PGGT1B: variants seen among roughly 807,000 people sequenced by gnomAD.
PGGT1B encodes the protein geranylgeranyl transferase type-1 subunit beta.
Under a neutral mutation model 46.1 loss-of-function variants are expected in PGGT1B, and 30 were observed. The observed-to-expected ratio is 0.65, with a 90% CI of 0.49 to 0.88. The LOEUF is 0.88. Among genes scored for constraint, PGGT1B ranks in the 40% least tolerant of loss-of-function variants. The probability of loss-of-function intolerance (pLI) is 0.00; values close to 1 mark genes in which losing one functional copy is unlikely to be tolerated. For synonymous variants in PGGT1B, 170 were observed against 160.0 expected (o/e 1.06, Z -0.47); for missense variants, 376 against 455.9 (o/e 0.82, Z 1.60).
Position 115,236,380 on chromosome 5 carries a change from C to T in PGGT1B, c.612+10G>A, listed in dbSNP as rs2127010308. 6.3e-7 allele frequency: 1 copy of T among 1,588,016 alleles called. No homozygotes were observed. Among genetic ancestry groups the T allele is most frequent in the Non-Finnish European group, 8.5e-7 (1 of 1,170,012 alleles). On this transcript the variant is annotated intron_variant, in intron 5 of 8. Coordinates refer to ENST00000419445, the MANE Select transcript of PGGT1B (RefSeq NM_005023.4). ...CAACCTAAATAGTCAATTTTATCAACAGAACTCACCATACTCCTTCTAATA... is the reference window on the plus strand; with the variant it reads ...CAACCTAAATAGTCAATTTTATCAATAGAACTCACCATACTCCTTCTAATA...
At position 115,254,796 on chromosome 5, in the gene PGGT1B, T is replaced by C. The variant is rs1391693686; in HGVS notation, c.141-1541A>G. Reference sequence around the variant, plus strand: ...TGGGAAACATCCTATTGAGAGACTATTACCATGTATTAGACACTGAGCTGG... The same window carrying C: ...TGGGAAACATCCTATTGAGAGACTACTACCATGTATTAGACACTGAGCTGG... On this transcript the variant is annotated intron_variant, in intron 1 of 8. Transcript: ENST00000419445. 2.0e-5 allele frequency among the ~76,000 whole-genome samples: 3 copies of C among 152,110 alleles called. No homozygotes were observed. In the East Asian group the frequency reaches 5.8e-4, roughly 29 times the overall value.
intron 5 of PGGT1B, among the ~76,000 whole-genome samples, chr5:115,232,158 A>T (rs1757008675): frequency 6.6e-6 from 1 of 152,104 alleles, no homozygotes; most frequent in Non-Finnish European, 1.5e-5. Flanking sequence ...TGAACTTAAA[A>T]TTAGAGTTAT....
intron 2 of PGGT1B, among the ~76,000 whole-genome samples, chr5:115,248,083 AT>A (rs973712040): frequency 1.3e-5 from 2 of 152,240 alleles, no homozygotes; most frequent in Non-Finnish European, 1.5e-5. Flanking sequence ...CACTAAAAAA[AT>A]GAAAGCATTA....
chr5:115,238,304 T>TTTC (rs1242998248), intron 3 of PGGT1B, among the ~76,000 whole-genome samples: 1 of 129,178 alleles, frequency 7.7e-6, no homozygotes, highest in East Asian at 2.2e-4. Context: ...TTTTTTTTTT[T>TTTC]TTTTTTTTTT....
chr5:115,236,360 T>C, intron 5 of PGGT1B, 30 bp downstream of exon 5: 1 of 1,568,976 alleles, frequency 6.4e-7, no homozygotes, highest in Non-Finnish European at 8.6e-7. Context: ...AAAAACAACC[T>C]AAATAGTCAA....
chr5:115,212,420 A>C lies in PGGT1B; in HGVS notation c.1116T>G (p.Asn372Lys). 1 of 1,598,194 alleles carries C rather than the reference A, an allele frequency of 6.3e-7. No individual in the cohort carries two copies. Among genetic ancestry groups the C allele is most frequent in the Non-Finnish European group, 8.5e-7 (1 of 1,170,194 alleles). ...KTKDSKQCSE[N>K]VHIST ...AAATCAGTCATGTGGAGATATGTAC[A>C]TTCTCTGAGCATTGTTTAGAGTCCT... The change falls in exon 9 of 9, where the codon AAT becomes AAG. Residue 372 changes from asparagine (N) to lysine (K), a missense_variant. Physicochemically the swap from Asn to Lys is moderately conservative, Grantham distance 94. Coordinates refer to ENST00000419445, the MANE Select transcript of PGGT1B (RefSeq NM_005023.4).
At chr5:115,228,573 T>C (rs1013457216) in intron 6 of PGGT1B, among the ~76,000 whole-genome samples, 15 of 151,896 alleles carry the variant, frequency 9.9e-5, no homozygotes, top group Non-Finnish European at 2.1e-4. Context: ...CTGAAGGATG[T>C]GAAAGAAAAC....
intron 8 of PGGT1B, among the ~76,000 whole-genome samples, chr5:115,215,170 G>A (rs1407421741): frequency 6.6e-6 from 1 of 151,836 alleles, no homozygotes; most frequent in Non-Finnish European, 1.5e-5. Flanking sequence ...GGCTATTTTT[G>A]TATTTTTGGT....
At chr5:115,225,323 G>A (rs560744562) in intron 6 of PGGT1B, among the ~76,000 whole-genome samples, 55 of 152,272 alleles carry the variant, frequency 3.6e-4, no homozygotes, top group Middle Eastern at 3.4e-3. Context: ...CAGATGAAAG[G>A]GACCATAGAG....
intron 1 of PGGT1B, among the ~76,000 whole-genome samples, chr5:115,260,439 G>A (rs1419188413): frequency 1.3e-5 from 2 of 152,076 alleles, no homozygotes; most frequent in African/African-American, 4.8e-5. Context: ...AAGAGTTGTG[G>A]CTTGCCCAAT....
chr5:115,255,542 T>C (rs1748274730), intron 1 of PGGT1B, among the ~76,000 whole-genome samples: 1 of 152,172 alleles, frequency 6.6e-6, no homozygotes, highest in Non-Finnish European at 1.5e-5. Flanking sequence ...ATTAAGCATC[T>C]ACTAATACAG....
At chr5:115,229,020 C>T (rs1756886375) in intron 6 of PGGT1B, among the ~76,000 whole-genome samples, 1 of 152,028 alleles carries the variant, frequency 6.6e-6, no homozygotes, top group Admixed American at 6.6e-5. Context: ...AAAGAGAGAA[C>T]ACAATGACTT....
At chr5:115,236,369 A>G in intron 5 of PGGT1B, 21 bp downstream of exon 5, 1 of 1,581,190 alleles carries the variant, frequency 6.3e-7, no homozygotes, top group Middle Eastern at 2.2e-4. Flanking sequence ...CTAAATAGTC[A>G]ATTTTATCAA....
chr5:115,207,180 C>CATATATATATATATAT lies in PGGT1B; in HGVS notation c.*5206_*5221dup, dbSNP rs35653225. The CATATATATATATATAT allele has an allele frequency of 0.041, 3,688 of 89,236 alleles. 307 individuals are homozygous for CATATATATATATATAT. Among genetic ancestry groups the CATATATATATATATAT allele is most frequent in the African/African-American group, 0.054 (1,309 of 24,236 alleles). 5.5% of individuals were successfully genotyped at this position (89,236 alleles called of 1,614,324 possible). A position where few individuals can be genotyped will look rare whatever the true frequency, so the allele number is the denominator to read the frequency against. On this transcript the variant is annotated 3_prime_UTR_variant, in exon 9 of 9. Transcript: ENST00000419445. The stretch of plus-strand genomic sequence containing the variant: ...ACTAGTTTAGGTTTGCATATACATA[C>CATATATATATATATAT]ATATATATATATATATATATATATA...
At chr5:115,222,074 G>T in intron 6 of PGGT1B, 66 bp from the exon 7 acceptor site, 2 of 903,668 alleles carry the variant, frequency 2.2e-6, no homozygotes, top group Non-Finnish European at 3.2e-6. Flanking sequence ...AGTACAAAAT[G>T]TTCAAGGGGA....
rs997433421 is a variant in PGGT1B, at chr5:115,209,155, C to T, written c.*3247G>A. On this transcript the variant is annotated 3_prime_UTR_variant, in exon 9 of 9. Coordinates refer to ENST00000419445, the MANE Select transcript of PGGT1B (RefSeq NM_005023.4). ...ATGAAAATACACATATATAATGTCT[C>T]TGTGTCTTGGCCTTTCTTCCCAATA... The T allele has an allele frequency of 6.6e-6, 1 of 152,016 alleles. No homozygotes were observed. Among genetic ancestry groups the T allele is most frequent in the African/African-American group, 2.4e-5 (1 of 41,396 alleles). 9.4% of individuals were successfully genotyped at this position (152,016 alleles called of 1,614,324 possible).
rs905019201 is a variant in PGGT1B, at chr5:115,208,558, A to G, written c.*3844T>C. On this transcript the variant is annotated 3_prime_UTR_variant, in exon 9 of 9. Transcript: ENST00000419445. The stretch of plus-strand genomic sequence containing the variant: ...TCAATTTAAACAAATTTCCTGTTTT[A>G]CTATTTCCCCCTTGTCATTTAAATT... The G allele has an allele frequency of 1.3e-5, 2 of 151,968 alleles. No individual in the cohort carries two copies. Among genetic ancestry groups the G allele is most frequent in the African/African-American group, 4.8e-5 (2 of 41,412 alleles). The allele number at this position is 151,968 out of a possible 1,614,324, so 9.4% of individuals were successfully genotyped here. A position where few individuals can be genotyped will look rare whatever the true frequency, so the allele number is the denominator to read the frequency against.
chr5:115,237,980 A>G lies in PGGT1B; in HGVS notation c.357T>C (p.Ser119=), dbSNP rs974517741. Residue 119 remains serine, a synonymous_variant, in exon 4 of 9, where the codon AGT becomes AGC. Transcript: ENST00000419445. ...KAPGTAHPYD[S]GHIAMTYTGL... is the part of the protein sequence containing the mutation. ...CAGTGTAGGTCATTGCAATGTGGCC[A>G]CTATCATAAGGATGAGCTGTTCCAG... 1.9e-6 allele frequency: 3 copies of G among 1,611,576 alleles called. No individual in the cohort carries two copies. In the African/African-American group the frequency reaches 4.0e-5, roughly 22 times the overall value.
intron 5 of PGGT1B, among the ~76,000 whole-genome samples, chr5:115,235,143 G>A (rs1396252340): frequency 1.3e-5 from 2 of 151,950 alleles, no homozygotes; most frequent in African/African-American, 4.8e-5. Context: ...TGTCAAAAGG[G>A]CATAGAGCCT....
Sources: allele counts gnomAD v4.1 joint callset (sites outside exome capture counted in the v4.1 genomes callset), GRCh38; gene constraint gnomAD v4.1.1; transcripts MANE v1.5; gene names NCBI Gene and HGNC (gene_info 2026-07-23, HGNC 2026-07-21).